SHC3: variants seen among roughly 807,000 people sequenced by gnomAD.
SHC3 encodes the protein SHC adaptor protein 3.
SHC3 carries 15 observed loss-of-function variants against 60.4 expected under a neutral mutation model. That is an observed-to-expected ratio of 0.25 (90% CI 0.17 to 0.38). The LOEUF (loss-of-function observed/expected upper bound fraction) is 0.38, where lower values mean the gene tolerates loss of function less well. Among genes scored for constraint, SHC3 ranks in the 10% least tolerant of loss-of-function variants. The pLI is 1.00. For missense variants in SHC3, 677 were observed against 786.1 expected (o/e 0.86, Z 1.66); for synonymous variants, 294 against 325.9 (o/e 0.90, Z 1.05).
intron 1 of SHC3, among the ~76,000 whole-genome samples, chr9:89,163,298 T>C (rs544989821): frequency 2.8e-4 from 42 of 152,290 alleles, no homozygotes; most frequent in African/African-American, 9.9e-4. Flanking sequence ...TGCACATGTA[T>C]GTTTATTGCG....
rs893408990 is a variant in SHC3, at chr9:89,178,803, G to C, written c.-343C>G. ...TGAGAGGAGACCCTTCTCAACAAAG[G>C]CTCGGTGAGCACTGCAAATCACTTC... On this transcript the variant is annotated 5_prime_UTR_variant, in exon 1 of 12. Transcript: ENST00000375835. This position sits in a 1 kb window ranked among gnomAD's most constrained non-coding sequence, Gnocchi z 6.9. 8.5e-6 allele frequency: 2 copies of C among 233,948 alleles called. No homozygotes were observed. The highest frequency in any genetic ancestry group is 1.6e-5 in the Non-Finnish European group (2 of 121,608). 14.5% of individuals were successfully genotyped at this position (233,948 alleles called of 1,614,324 possible).
At chr9:89,165,061 G>T (rs1343356729) in intron 1 of SHC3, among the ~76,000 whole-genome samples, 1 of 152,048 alleles carries the variant, frequency 6.6e-6, no homozygotes, top group Non-Finnish European at 1.5e-5. Flanking sequence ...GGGAACTGTT[G>T]GAATAAATTT....
chr9:89,167,392 C>T (rs962534160), intron 1 of SHC3, among the ~76,000 whole-genome samples: 7 of 152,136 alleles, frequency 4.6e-5, no homozygotes, highest in Admixed American at 3.9e-4. Context: ...CAGAGGAGAC[C>T]CTGGAGAACT....
intron 11 of SHC3, among the ~76,000 whole-genome samples, chr9:89,028,764 T>C (rs189747036): frequency 6.8e-6 from 1 of 146,218 alleles, no homozygotes; most frequent in East Asian, 2.0e-4. Flanking sequence ...TCTCTATATA[T>C]ATATTCTCTA....
At chr9:89,137,889 A>G (rs1826340569) in intron 1 of SHC3, among the ~76,000 whole-genome samples, 1 of 152,210 alleles carries the variant, frequency 6.6e-6, no homozygotes, top group South Asian at 2.1e-4. Context: ...GAAAAGAACG[A>G]TAACAGCCCA....
At chr9:89,066,282 G>C (rs1825179441) in intron 5 of SHC3, among the ~76,000 whole-genome samples, 1 of 152,214 alleles carries the variant, frequency 6.6e-6, no homozygotes, top group Non-Finnish European at 1.5e-5. Context: ...CACTAGGCTA[G>C]AAGAAAACCA....
chr9:89,097,228 G>C (rs1825718189), intron 2 of SHC3, among the ~76,000 whole-genome samples: 1 of 151,726 alleles, frequency 6.6e-6, no homozygotes, highest in African/African-American at 2.4e-5. Context: ...GTATTAAAGT[G>C]CATTTAACTA....
intron 1 of SHC3, among the ~76,000 whole-genome samples, chr9:89,168,184 G>A (rs757258801): frequency 1.3e-5 from 2 of 152,164 alleles, no homozygotes; most frequent in Non-Finnish European, 2.9e-5. Flanking sequence ...TCTCTATTTG[G>A]GTCGGGCACG....
chr9:89,078,308 C>A (rs748904268), intron 2 of SHC3, among the ~76,000 whole-genome samples: 8 of 152,158 alleles, frequency 5.3e-5, no homozygotes, highest in Non-Finnish European at 1.0e-4. Flanking sequence ...CCTAATCAAC[C>A]ACCTTGATTG....
chr9:89,164,244 T>C (rs1387276337), intron 1 of SHC3, among the ~76,000 whole-genome samples: 2 of 152,126 alleles, frequency 1.3e-5, no homozygotes, highest in East Asian at 1.9e-4. Flanking sequence ...TCTCACTTCA[T>C]ATGGATTGAC....
intron 11 of SHC3, among the ~76,000 whole-genome samples, chr9:89,029,990 A>C (rs1007865311): frequency 1.3e-5 from 2 of 152,200 alleles, no homozygotes; most frequent in African/African-American, 4.8e-5. Flanking sequence ...CAGAGTGGCC[A>C]AAATAAAACA....
chr9:89,167,935 C>A (rs561982164), intron 1 of SHC3, among the ~76,000 whole-genome samples: 1 of 152,194 alleles, frequency 6.6e-6, no homozygotes, highest in South Asian at 2.1e-4. Context: ...TGGGCTTGCC[C>A]CCACCTCGAG....
rs568650022 is a variant in SHC3 at position 89,007,902 on chromosome 9, C to A, written c.*5545G>T. 1 of 152,396 alleles carries A rather than the reference C, an allele frequency of 6.6e-6. No homozygotes were observed. The highest frequency in any genetic ancestry group is 2.1e-4 in the South Asian group (1 of 4,828). The allele number at this position is 152,396 out of a possible 1,614,324, so 9.4% of individuals were successfully genotyped here. ...CCAGGACCATCCTCCATGGCTGATG[C>A]CACAGCCTGCCAATTCCCAAATTCT... On this transcript the variant is annotated 3_prime_UTR_variant, in exon 12 of 12. Transcript: ENST00000375835.
At chr9:89,116,706 C>T (rs1587736138) in intron 1 of SHC3, among the ~76,000 whole-genome samples, 1 of 152,124 alleles carries the variant, frequency 6.6e-6, no homozygotes, top group Admixed American at 6.5e-5. Flanking sequence ...ATGTAAATAT[C>T]GCCATCAACA....
intron 1 of SHC3, among the ~76,000 whole-genome samples, chr9:89,161,122 C>T (rs568619045): frequency 1.7e-4 from 26 of 152,060 alleles, no homozygotes; most frequent in Non-Finnish European, 7.4e-5. Flanking sequence ...GGATCTGGTC[C>T]CCACCCAAAT....
rs760671575 is a variant in SHC3, at chr9:89,070,053, T to C, written c.783+1146A>G. Among the ~76,000 whole-genome samples the C allele has an allele frequency of 3.3e-5, 5 of 152,198 alleles. No homozygotes were observed. The South Asian group carries it at 1.0e-3, about 32-fold the overall frequency. On this transcript the variant is annotated intron_variant, in intron 5 of 11. Coordinates refer to ENST00000375835, the MANE Select transcript of SHC3 (RefSeq NM_016848.6). ...GACCAGTAAACCTTTATGTAACATCTGAAGATTGCCTACTCATAATTTGGC... is the reference window on the plus strand; with the variant it reads ...GACCAGTAAACCTTTATGTAACATCCGAAGATTGCCTACTCATAATTTGGC...
chr9:89,060,561 G>C (rs1825070905), intron 6 of SHC3, among the ~76,000 whole-genome samples: 2 of 152,016 alleles, frequency 1.3e-5, no homozygotes, highest in African/African-American at 4.8e-5. Context: ...GGTCAAGGAA[G>C]ACCCAGAAGC....
At chr9:89,023,533 C>T (rs2118648648) in intron 11 of SHC3, among the ~76,000 whole-genome samples, 1 of 152,338 alleles carries the variant, frequency 6.6e-6, no homozygotes, top group South Asian at 2.1e-4. Flanking sequence ...TTCTCTGCCA[C>T]AACCTCCAGA....
chr9:89,153,756 T>C (rs1298130665), intron 1 of SHC3, among the ~76,000 whole-genome samples: 1 of 152,236 alleles, frequency 6.6e-6, no homozygotes, highest in East Asian at 1.9e-4. Context: ...TATCATGTGA[T>C]ATCACAGTAC....
Sources: allele counts gnomAD v4.1 joint callset (sites outside exome capture counted in the v4.1 genomes callset), GRCh38; gene constraint gnomAD v4.1.1; non-coding constraint Gnocchi (gnomAD v3.1); transcripts MANE v1.5; gene names NCBI Gene and HGNC (gene_info 2026-07-23, HGNC 2026-07-21).